ANKRD55: variants seen among roughly 807,000 people sequenced by gnomAD.
The protein encoded by ANKRD55 is ankyrin repeat domain-containing protein 55.
ANKRD55 carries 41 observed loss-of-function variants against 60.6 expected under a neutral mutation model. That is an observed-to-expected ratio of 0.68 (90% confidence interval 0.53 to 0.88). The LOEUF (loss-of-function observed/expected upper bound fraction) is 0.88, where lower values mean the gene tolerates loss of function less well. Ranked by LOEUF, ANKRD55 falls within the 40% of genes least tolerant of loss-of-function variation. ANKRD55 has a pLI of 0.00. For synonymous variants in ANKRD55, 264 were observed against 290.3 expected (o/e 0.91, Z 0.92); for missense variants, 732 against 767.6 (o/e 0.95, Z 0.55).
At chr5:56,219,334 C>A (rs1236001117) in intron 2 of ANKRD55, among the ~76,000 whole-genome samples, 1 of 150,546 alleles carries the variant, frequency 6.6e-6, no homozygotes, top group African/African-American at 2.4e-5. Flanking sequence ...ATATTATATG[C>A]ATGTATCTTA....
At chr5:56,106,212 T>C (rs1756460759) in intron 10 of ANKRD55, among the ~76,000 whole-genome samples, 1 of 152,062 alleles carries the variant, frequency 6.6e-6, no homozygotes, top group South Asian at 2.1e-4. Context: ...AATCCAAAGA[T>C]AAAGGGACAA....
At chr5:56,121,716 G>A (rs535913868) in intron 8 of ANKRD55, among the ~76,000 whole-genome samples, 61 of 152,270 alleles carry the variant, frequency 4.0e-4, no homozygotes, top group African/African-American at 1.4e-3. Flanking sequence ...CCACGTGGGA[G>A]GGGAATGGGA....
In ANKRD55 at chr5:56,116,231, AT is replaced by A. The variant is rs545756959; in HGVS notation, c.965+383del. 2.0e-4 allele frequency among the ~76,000 whole-genome samples: 30 copies of A among 152,324 alleles called. No individual in the cohort carries two copies. The South Asian group carries it at 3.7e-3, about 19-fold the overall frequency. ...AACTAAAGTTATCTGGGGGCCCTTA[AT>A]AATTTTTGAGAGTGTAAAAGGGTCC... On this transcript the variant is annotated intron_variant, in intron 9 of 11. Transcript: ENST00000341048.
chr5:56,166,665 G>C (rs1217094463), intron 5 of ANKRD55, among the ~76,000 whole-genome samples: 1 of 152,090 alleles, frequency 6.6e-6, no homozygotes, highest in Non-Finnish European at 1.5e-5. Context: ...AAAAAGACAT[G>C]ATCTATAGTC....
chr5:56,172,076 G>T (rs867549838), intron 4 of ANKRD55, among the ~76,000 whole-genome samples: 1 of 150,232 alleles, frequency 6.7e-6, no homozygotes, highest in Non-Finnish European at 1.5e-5. Context: ...CCGAGATCGC[G>T]CCACTGCACT....
chr5:56,176,178 T>G lies in ANKRD55; in HGVS notation c.286A>C (p.Thr96Pro). The G allele has an allele frequency of 6.2e-7, 1 of 1,614,186 alleles. No individual in the cohort carries two copies. Reference sequence around the variant, plus strand: ...AGGTAGGTGGCCAGGCATAAACTTGTGCGGCCATAAGCATCCTGCATGTTA... The same window carrying G: ...AGGTAGGTGGCCAGGCATAAACTTGGGCGGCCATAAGCATCCTGCATGTTA... ...NINMQDAYGR[T>P]SLCLATYLGW... The change falls in exon 4 of 12, where the codon ACA becomes CCA. Residue 96 changes from threonine to proline, a missense_variant. Coordinates refer to ENST00000341048, the MANE Select transcript of ANKRD55 (RefSeq NM_024669.3).
intron 6 of ANKRD55, among the ~76,000 whole-genome samples, chr5:56,147,949 G>C (rs529932179): frequency 6.6e-6 from 1 of 152,140 alleles, no homozygotes; most frequent in East Asian, 1.9e-4. Flanking sequence ...TTAAAATTCT[G>C]GTGACCAGTT....
intron 7 of ANKRD55, among the ~76,000 whole-genome samples, chr5:56,135,019 T>C (rs438407): frequency 0.45 from 67,835 of 152,014 alleles, 15,866 homozygotes; most frequent in Middle Eastern, 0.55. Flanking sequence ...TATCAATAGA[T>C]ACAGAAAAAG....
At chr5:56,188,558 C>A (rs1207720018) in intron 2 of ANKRD55, among the ~76,000 whole-genome samples, 2 of 152,102 alleles carry the variant, frequency 1.3e-5, no homozygotes, top group African/African-American at 4.8e-5. Flanking sequence ...CTTCCAGCAC[C>A]TTTTATTGAC....
intron 2 of ANKRD55, among the ~76,000 whole-genome samples, chr5:56,212,455 A>G (rs1471486835): frequency 6.6e-6 from 1 of 152,216 alleles, no homozygotes; most frequent in Non-Finnish European, 1.5e-5. Context: ...ATGCAGTAAG[A>G]TATGAAGCAA....
At chr5:56,162,949 G>A (rs889848335) in intron 5 of ANKRD55, among the ~76,000 whole-genome samples, 3 of 152,078 alleles carry the variant, frequency 2.0e-5, no homozygotes, top group African/African-American at 4.8e-5. Flanking sequence ...GATTACAGGC[G>A]TGAATCACCC....
rs574676990 is a variant in ANKRD55, at chr5:56,196,322, G to A, written c.59-12688C>T. Reference sequence around the variant, plus strand: ...TATTATTCTATTACCTTGGAGTGTAGCTATTGCATTTAAGTGAATAAAAAA... The same window carrying A: ...TATTATTCTATTACCTTGGAGTGTAACTATTGCATTTAAGTGAATAAAAAA... On this transcript the variant is annotated intron_variant, in intron 2 of 11. Coordinates refer to ENST00000341048, the MANE Select transcript of ANKRD55 (RefSeq NM_024669.3). Among the ~76,000 whole-genome samples, 3 of 152,278 alleles carry A rather than the reference G, an allele frequency of 2.0e-5. No homozygotes were observed. The South Asian group carries it at 6.2e-4, about 32-fold the overall frequency.
chr5:56,194,864 T>A (rs1464094204), intron 2 of ANKRD55, among the ~76,000 whole-genome samples: 1 of 152,220 alleles, frequency 6.6e-6, no homozygotes, highest in Non-Finnish European at 1.5e-5. Context: ...TATTTTAAAC[T>A]CTTTCTAACT....
At chr5:56,219,289 A>AG (rs1348043431) in intron 2 of ANKRD55, among the ~76,000 whole-genome samples, 1 of 145,960 alleles carries the variant, frequency 6.9e-6, no homozygotes, top group Non-Finnish European at 1.5e-5. Context: ...AAAAAAAAAA[A>AG]AAAGAAAAAT....
intron 7 of ANKRD55, among the ~76,000 whole-genome samples, chr5:56,133,523 C>G (rs533424658): frequency 9.4e-6 from 1 of 106,492 alleles, no homozygotes; most frequent in East Asian, 2.6e-4. Context: ...ACATTTTTAA[C>G]AAGCTCACAT....
intron 7 of ANKRD55, among the ~76,000 whole-genome samples, chr5:56,128,722 G>A (rs1757337990): frequency 6.6e-6 from 1 of 152,126 alleles, no homozygotes; most frequent in Non-Finnish European, 1.5e-5. Flanking sequence ...AATCCCACAA[G>A]GTTGGTACTA....
At chr5:56,103,563 A>G (rs899381574) in intron 10 of ANKRD55, among the ~76,000 whole-genome samples, 5 of 152,146 alleles carry the variant, frequency 3.3e-5, no homozygotes, top group African/African-American at 1.2e-4. Context: ...CTTTTCAGTT[A>G]TATGACATTG....
At chr5:56,114,227 C>A in intron 9 of ANKRD55, 1 of 168,752 alleles carries the variant, frequency 5.9e-6, no homozygotes, top group South Asian at 1.4e-4. Flanking sequence ...ACTCTGGAGG[C>A]CGAGACAGGA....
At chr5:56,191,614 G>C (rs10471970) in intron 2 of ANKRD55, among the ~76,000 whole-genome samples, 2,447 of 152,198 alleles carry the variant, frequency 0.016, 32 homozygotes, top group Non-Finnish European at 0.024. Flanking sequence ...AAAATGGACC[G>C]AGTCACCTCA....
Sources: allele counts gnomAD v4.1 joint callset (sites outside exome capture counted in the v4.1 genomes callset), GRCh38; gene constraint gnomAD v4.1.1; transcripts MANE v1.5; gene names NCBI Gene and HGNC (gene_info 2026-07-23, HGNC 2026-07-21).